Variants in PCDH9 observed in about 807,000 individuals in gnomAD.
PCDH9 encodes the protein protocadherin-9.
In PCDH9, 24 loss-of-function variants were observed where a neutral mutation model predicts 70.6. The observed-to-expected ratio is 0.34, with a 90% CI of 0.25 to 0.48. The LOEUF (loss-of-function observed/expected upper bound fraction) is 0.48. Ranked by LOEUF, PCDH9 falls within the 20% of genes least tolerant of loss-of-function variation. PCDH9 has a pLI of 0.99. For synonymous variants in PCDH9, 562 were observed against 558.5 expected, an observed-to-expected ratio of 1.01 and a Z score of -0.09; for missense variants, 1,281 against 1,503.6, an observed-to-expected ratio of 0.85 and a Z score of 2.45.
intron 2 of PCDH9, chr13:67,214,935 G>GATATATATATAT (rs66460017): frequency 0.022 from 1,982 of 89,030 alleles, 460 homozygotes; most frequent in Non-Finnish European, 0.027. Context: ...TTGCGAGCCA[G>GATATATATATAT]ATATATATAT....
intron 4 of PCDH9, among the ~76,000 whole-genome samples, chr13:66,434,505 T>C (rs573974990): frequency 6.6e-6 from 1 of 152,178 alleles, no homozygotes; most frequent in South Asian, 2.1e-4. Flanking sequence ...ATATCCCTGT[T>C]GTGTTCACTG....
At chr13:67,148,544 G>A (rs977158786) in intron 2 of PCDH9, among the ~76,000 whole-genome samples, 1 of 152,010 alleles carries the variant, frequency 6.6e-6, no homozygotes, top group African/African-American at 2.4e-5. Context: ...AATTTTAAAT[G>A]AGAAGATGAA....
At chr13:67,062,056 T>C (rs949589197) in intron 2 of PCDH9, among the ~76,000 whole-genome samples, 16 of 152,236 alleles carry the variant, frequency 1.1e-4, no homozygotes, top group African/African-American at 3.9e-4. Flanking sequence ...TTTCAGCTGG[T>C]GGAAGTCAAA....
At chr13:66,841,234 C>G (rs2081111678) in intron 3 of PCDH9, among the ~76,000 whole-genome samples, 1 of 151,978 alleles carries the variant, frequency 6.6e-6, no homozygotes, top group Admixed American at 6.5e-5. Flanking sequence ...CTACAGCCAC[C>G]TAAATAAGGA....
chr13:66,833,929 C>T (rs746972226), intron 3 of PCDH9, among the ~76,000 whole-genome samples: 2 of 152,044 alleles, frequency 1.3e-5, no homozygotes, highest in African/African-American at 4.8e-5. Flanking sequence ...GGTTGAATAG[C>T]TGATAATGAG....
At chr13:66,322,871 G>A (rs1271936449) in intron 4 of PCDH9, among the ~76,000 whole-genome samples, 1 of 151,810 alleles carries the variant, frequency 6.6e-6, no homozygotes, top group Non-Finnish European at 1.5e-5. Flanking sequence ...TGTTCAAATG[G>A]ATTACAAAAA....
At chr13:67,217,527 G>A (rs1016860707) in intron 2 of PCDH9, 1 of 151,956 alleles carries the variant, frequency 6.6e-6, no homozygotes, top group African/African-American at 2.4e-5. Flanking sequence ...GAACTGCAAG[G>A]GATTTTACTG....
intron 2 of PCDH9, among the ~76,000 whole-genome samples, chr13:67,122,639 T>C (rs560117213): frequency 4.7e-4 from 71 of 151,906 alleles, no homozygotes; most frequent in African/African-American, 1.6e-3. Context: ...CTGGGTGTAG[T>C]GATGCGTGCC....
intron 4 of PCDH9, among the ~76,000 whole-genome samples, chr13:66,513,797 G>A (rs1396826712): frequency 6.7e-6 from 1 of 149,224 alleles, no homozygotes; most frequent in Admixed American, 6.7e-5. Flanking sequence ...TTCCTCAAAG[G>A]TCCAGCATTC....
chr13:66,631,105 A>C, intron 4 of PCDH9, 105 bp downstream of exon 4: 1 of 668,800 alleles, frequency 1.5e-6, no homozygotes, highest in South Asian at 1.8e-5. Context: ...CCAGCAAAAA[A>C]ATAACTAAAT....
intron 2 of PCDH9, among the ~76,000 whole-genome samples, chr13:67,133,400 A>G (rs1205348141): frequency 6.6e-6 from 1 of 152,138 alleles, no homozygotes; most frequent in African/African-American, 2.4e-5. Context: ...TGTGAATTTC[A>G]TATGTCTGGA....
intron 4 of PCDH9, among the ~76,000 whole-genome samples, chr13:66,442,375 C>T (rs1020114677): frequency 2.0e-5 from 3 of 152,042 alleles, no homozygotes; most frequent in African/African-American, 7.2e-5. Flanking sequence ...TTATATAAAA[C>T]CATAGAAGTT....
At chr13:67,068,690 C>A (rs1248098807) in intron 2 of PCDH9, among the ~76,000 whole-genome samples, 1 of 152,128 alleles carries the variant, frequency 6.6e-6, no homozygotes, top group African/African-American at 2.4e-5. Flanking sequence ...CAGTTTAGAA[C>A]CCTATAGCAC....
intron 2 of PCDH9, among the ~76,000 whole-genome samples, chr13:67,042,394 G>A (rs1212120638): frequency 6.6e-6 from 1 of 152,152 alleles, no homozygotes; most frequent in Non-Finnish European, 1.5e-5. Context: ...GCAGGAAGGA[G>A]AAGTGCCGAG....
intron 2 of PCDH9, among the ~76,000 whole-genome samples, chr13:67,059,882 G>GT (rs1313165263): frequency 6.7e-4 from 7 of 10,522 alleles, no homozygotes; most frequent in Non-Finnish European, 1.1e-3. Context: ...TTTGTTTTTT[G>GT]TTGTTTTTTT....
intron 3 of PCDH9, among the ~76,000 whole-genome samples, chr13:66,877,830 T>G (rs1047323337): frequency 1.3e-5 from 2 of 152,224 alleles, no homozygotes; most frequent in Non-Finnish European, 2.9e-5. Flanking sequence ...AAATACCTTA[T>G]CTGGCACTGT....
Position 67,226,095 on chromosome 13 carries a change from G to T in PCDH9, c.2346C>A (p.Ser782=). ...LYVNDTAGNA[S]YIYDLIRRTM... ...TCCTGCGGATCAAGTCATAGATATA[G>T]GAGGCATTTCCAGCAGTGTCGTTAA... The change falls in exon 2 of 5, where the codon TCC becomes TCA. Residue 782 remains serine (S), a synonymous_variant. Coordinates refer to ENST00000377865, the MANE Select transcript of PCDH9 (RefSeq NM_203487.3). This position sits in a 1 kb window ranked among gnomAD's most constrained non-coding sequence, Gnocchi z 5.0. 1.9e-6 allele frequency: 3 copies of T among 1,614,116 alleles called. No homozygotes were observed. Among genetic ancestry groups the T allele is most frequent in the Non-Finnish European group, 2.5e-6 (3 of 1,180,014 alleles).
chr13:66,935,954 G>A (rs1162800740), intron 2 of PCDH9, among the ~76,000 whole-genome samples: 6 of 151,840 alleles, frequency 4.0e-5, no homozygotes, highest in African/African-American at 9.7e-5. Flanking sequence ...GCATGGTGGC[G>A]AGTGCCTGTA....
chr13:66,767,614 G>A (rs997883532), intron 3 of PCDH9, among the ~76,000 whole-genome samples: 1 of 151,976 alleles, frequency 6.6e-6, no homozygotes, highest in African/African-American at 2.4e-5. Context: ...AAAGAGTTAT[G>A]TTGAACAGCT....
Sources: allele counts gnomAD v4.1 joint callset (sites outside exome capture counted in the v4.1 genomes callset), GRCh38; gene constraint gnomAD v4.1.1; non-coding constraint Gnocchi (gnomAD v3.1); transcripts MANE v1.5; gene names NCBI Gene and HGNC (gene_info 2026-07-23, HGNC 2026-07-21).